LRRC8B: variants seen among roughly 807,000 people sequenced by gnomAD.
LRRC8B encodes the protein volume-regulated anion channel subunit LRRC8B.
LRRC8B carries 23 observed loss-of-function variants against 58.8 expected under a neutral mutation model. The ratio of observed to expected loss-of-function variants is 0.39; its 90% CI spans 0.28 to 0.55. The LOEUF (loss-of-function observed/expected upper bound fraction) is 0.55. LRRC8B is among the 20% of genes least tolerant of loss of function. The pLI, the probability that LRRC8B is intolerant of heterozygous loss-of-function variation, is 0.62. For missense variants in LRRC8B, 694 were observed against 936.0 expected, an observed-to-expected ratio of 0.74 and a Z score of 3.37; for synonymous variants, 359 against 374.1, an observed-to-expected ratio of 0.96 and a Z score of 0.47.
intron 1 of LRRC8B, among the ~76,000 whole-genome samples, chr1:89,531,618 C>G (rs1316453224): frequency 6.6e-6 from 1 of 152,114 alleles, no homozygotes; most frequent in South Asian, 2.1e-4. Context: ...TTAAAGCTGT[C>G]AGATTCTCAG....
chr1:89,582,025 G>A (rs1269063935), intron 4 of LRRC8B, among the ~76,000 whole-genome samples: 1 of 152,138 alleles, frequency 6.6e-6, no homozygotes, highest in East Asian at 1.9e-4. Context: ...TGGGCTGTAA[G>A]TGATGCTTCA....
chr1:89,553,251 A>C (rs1176804348), intron 1 of LRRC8B, among the ~76,000 whole-genome samples: 1 of 152,204 alleles, frequency 6.6e-6, no homozygotes, highest in Non-Finnish European at 1.5e-5. Flanking sequence ...CTTCTACAGA[A>C]GTGTTTGATT....
intron 3 of LRRC8B, among the ~76,000 whole-genome samples, chr1:89,571,491 C>T (rs12723903): frequency 0.38 from 57,062 of 152,040 alleles, 12,919 homozygotes; most frequent in South Asian, 0.55. Context: ...TGATTTGGCT[C>T]TCAACGTGAC....
At chr1:89,563,145 C>T (rs1161954262) in intron 1 of LRRC8B, among the ~76,000 whole-genome samples, 6 of 152,056 alleles carry the variant, frequency 3.9e-5, no homozygotes, top group African/African-American at 1.2e-4. Context: ...TCCTGTTTTA[C>T]ATGAGTATAG....
intron 1 of LRRC8B, among the ~76,000 whole-genome samples, chr1:89,530,884 G>A (rs1013484591): frequency 6.6e-6 from 1 of 152,158 alleles, no homozygotes; most frequent in Admixed American, 6.5e-5. Context: ...GTCCTGCTGA[G>A]CTATTAGGGG....
chr1:89,551,131 C>G (rs949439782), intron 1 of LRRC8B, among the ~76,000 whole-genome samples: 3 of 152,138 alleles, frequency 2.0e-5, no homozygotes. Flanking sequence ...CTTTCCCTCC[C>G]CACTACCCCG....
At chr1:89,557,185 C>A (rs1652258196) in intron 1 of LRRC8B, among the ~76,000 whole-genome samples, 1 of 152,008 alleles carries the variant, frequency 6.6e-6, no homozygotes, top group Non-Finnish European at 1.5e-5. Context: ...CCACATAGTT[C>A]TTCTGAACCC....
rs934282116 is a variant in LRRC8B, at chr1:89,568,241, C to G, written c.-240-6C>G. On this transcript the variant is annotated splice_polypyrimidine_tract_variant and splice_region_variant and intron_variant, in intron 1 of 5. Transcript: ENST00000330947. Reference sequence around the variant, plus strand: ...GTTTGTGACAGTGATTTGTTTCTCTCCCTAGGTAATAGTTAACCTCTTCTG... The same window carrying G: ...GTTTGTGACAGTGATTTGTTTCTCTGCCTAGGTAATAGTTAACCTCTTCTG... 1 of 152,084 alleles carries G rather than the reference C, an allele frequency of 6.6e-6. No homozygotes were observed. The highest frequency in any genetic ancestry group is 1.5e-5 in the Non-Finnish European group (1 of 67,966). 9.4% of individuals were successfully genotyped at this position (152,084 alleles called of 1,614,324 possible). A position where few individuals can be genotyped will look rare whatever the true frequency, so the allele number is the denominator to read the frequency against.
intron 3 of LRRC8B, among the ~76,000 whole-genome samples, chr1:89,576,628 T>G (rs1205164384): frequency 2.0e-5 from 3 of 152,212 alleles, no homozygotes; most frequent in African/African-American, 7.2e-5. Context: ...AATTGGCAAC[T>G]CTGAGGGATG....
At chr1:89,567,379 C>T (rs916619564) in intron 1 of LRRC8B, among the ~76,000 whole-genome samples, 1 of 152,146 alleles carries the variant, frequency 6.6e-6, no homozygotes, top group Non-Finnish European at 1.5e-5. Flanking sequence ...TGGCTTCACC[C>T]TAAGATGACA....
At position 89,568,403 on chromosome 1, in the gene LRRC8B, G is replaced by A. The variant is rs1339651072; in HGVS notation, c.-179-36G>A. The A allele has an allele frequency of 4.6e-5, 7 of 152,198 alleles. No individual in the cohort carries two copies. In the East Asian group the frequency reaches 1.2e-3, roughly 25 times the overall value. 9.4% of individuals were successfully genotyped at this position (152,198 alleles called of 1,614,324 possible). On this transcript the variant is annotated intron_variant, in intron 2 of 5. Transcript: ENST00000330947. ...AAATTATCTTGCAGTCCTATGATGC[G>A]TAAAATATAATAATATGCTTGTGAT...
In LRRC8B at chr1:89,593,113, GCCTATAAT is replaced by G; in HGVS notation, c.*73_*80del. The G allele has an allele frequency of 6.7e-7, 1 of 1,503,448 alleles. No homozygotes were observed. The highest frequency in any genetic ancestry group is 9.1e-7 in the Non-Finnish European group (1 of 1,098,886). The allele number at this position is 1,503,448 out of a possible 1,614,324, so 93.1% of individuals were successfully genotyped here. On this transcript the variant is annotated 3_prime_UTR_variant, in exon 6 of 6. Coordinates refer to ENST00000330947, the MANE Select transcript of LRRC8B (RefSeq NM_001369817.2). ...TGCTCGGCCGGGCGTGGTGGCTCAT[GCCTATAAT>G]CCCAGCACTTTGGGAGGCCAAGATG...
intron 1 of LRRC8B, among the ~76,000 whole-genome samples, chr1:89,542,502 ATGAC>A (rs1325641907): frequency 1.3e-5 from 2 of 152,186 alleles, no homozygotes; most frequent in South Asian, 2.1e-4. Flanking sequence ...TATTTACTGA[ATGAC>A]TGAGTGAATG....
Position 89,595,098 on chromosome 1 carries a change from A to G in LRRC8B, c.*2055A>G, listed in dbSNP as rs1000905904. 1.3e-5 allele frequency: 2 copies of G among 152,188 alleles called. No individual in the cohort carries two copies. The highest frequency in any genetic ancestry group is 2.9e-5 in the Non-Finnish European group (2 of 67,996). 9.4% of individuals were successfully genotyped at this position (152,188 alleles called of 1,614,324 possible). ...ATCAGGAATATAGGACACCAAACACACTGCCTCACACATTATTGTTTATTC... is the reference window on the plus strand; with the variant it reads ...ATCAGGAATATAGGACACCAAACACGCTGCCTCACACATTATTGTTTATTC... On this transcript the variant is annotated 3_prime_UTR_variant, in exon 6 of 6. Transcript: ENST00000330947.
At position 89,594,016 on chromosome 1, in the gene LRRC8B, G is replaced by A. The variant is rs12129433; in HGVS notation, c.*973G>A. ...GTATTTAAGATGTATTATCCTCGGG[G>A]CATCCTGAAAATTAATGTATTCCCT... On this transcript the variant is annotated 3_prime_UTR_variant, in exon 6 of 6. Coordinates refer to ENST00000330947, the MANE Select transcript of LRRC8B (RefSeq NM_001369817.2). 29 of 152,034 alleles carry A rather than the reference G, an allele frequency of 1.9e-4. No homozygotes were observed. Among genetic ancestry groups the A allele is most frequent in the Admixed American group, 3.9e-4 (6 of 15,280 alleles). The allele number at this position is 152,034 out of a possible 1,614,324, so 9.4% of individuals were successfully genotyped here.
At position 89,555,281 on chromosome 1, in the gene LRRC8B, C is replaced by T. The variant is rs568289578; in HGVS notation, c.-240-12966C>T. 2.0e-5 allele frequency among the ~76,000 whole-genome samples: 3 copies of T among 152,304 alleles called. No individual in the cohort carries two copies. The South Asian group carries it at 6.2e-4, about 32-fold the overall frequency. Reference sequence around the variant, plus strand: ...CCCTAACTTATTCTGAATGCTATGGCTGAGCTAAATTCGTCTTCTCTGCTG... The same window carrying T: ...CCCTAACTTATTCTGAATGCTATGGTTGAGCTAAATTCGTCTTCTCTGCTG... On this transcript the variant is annotated intron_variant, in intron 1 of 5. Transcript: ENST00000330947.
intron 1 of LRRC8B, among the ~76,000 whole-genome samples, chr1:89,550,227 C>A (rs17491895): frequency 0.21 from 31,349 of 152,184 alleles, 3,645 homozygotes; most frequent in South Asian, 0.33. Context: ...TCTTCACACT[C>A]AGGCACATCT....
chr1:89,584,863 A>G (rs1654516176), intron 5 of LRRC8B, 74 bp downstream of exon 5: 1 of 1,058,268 alleles, frequency 9.4e-7, no homozygotes, highest in African/African-American at 1.6e-5. Flanking sequence ...AAGAAAACAC[A>G]CTTCAAATCA....
In LRRC8B at chr1:89,524,888, G is replaced by T. The variant is rs936314833; in HGVS notation, c.-375G>T. On this transcript the variant is annotated 5_prime_UTR_variant, in exon 1 of 6. Coordinates refer to ENST00000330947, the MANE Select transcript of LRRC8B (RefSeq NM_001369817.2). Reference sequence around the variant, plus strand: ...CCGGTCGGAGGCGGCGAGCCGGACAGCGCCGGGGCTTCCCGCTGAGCCCGC... The same window carrying T: ...CCGGTCGGAGGCGGCGAGCCGGACATCGCCGGGGCTTCCCGCTGAGCCCGC... The T allele has an allele frequency of 6.6e-6, 1 of 152,268 alleles. No individual in the cohort carries two copies. Among genetic ancestry groups the T allele is most frequent in the East Asian group, 1.9e-4 (1 of 5,184 alleles). The allele number at this position is 152,268 out of a possible 1,614,324, so 9.4% of individuals were successfully genotyped here.
Sources: gnomAD v4.1 joint callset for allele counts (sites outside exome capture counted in the v4.1 genomes callset) on GRCh38, gnomAD v4.1.1 for gene constraint, MANE v1.5 for transcripts, NCBI Gene and HGNC (gene_info 2026-07-23, HGNC 2026-07-21) for gene names.